LRRTM4: variants seen among roughly 807,000 people sequenced by gnomAD.
LRRTM4 encodes the protein leucine rich repeat transmembrane neuronal 4.
A neutral mutation model predicts 47.6 loss-of-function variants in LRRTM4; 25 were observed. The ratio of observed to expected loss-of-function variants is 0.53; its 90% CI spans 0.38 to 0.73. The LOEUF is 0.73. LRRTM4 is among the 30% of genes least tolerant of loss of function. The pLI, the probability that LRRTM4 is intolerant of heterozygous loss-of-function variation, is 0.00. For synonymous variants in LRRTM4, 311 were observed against 269.5 expected (o/e 1.15, Z -1.51); for missense variants, 638 against 713.4 (o/e 0.89, Z 1.20).
intron 3 of LRRTM4, among the ~76,000 whole-genome samples, chr2:77,259,359 G>C (rs1675856603): frequency 6.6e-6 from 1 of 152,000 alleles, no homozygotes; most frequent in South Asian, 2.1e-4. Context: ...CACACAATAT[G>C]CTGAGTGCTT....
intron 3 of LRRTM4, among the ~76,000 whole-genome samples, chr2:77,411,251 G>A (rs73942714): frequency 0.018 from 2,737 of 152,016 alleles, 74 homozygotes; most frequent in African/African-American, 0.063. Flanking sequence ...GTGTCCCTAA[G>A]CTCTGCTAAA....
intron 3 of LRRTM4, among the ~76,000 whole-genome samples, chr2:77,384,324 A>C (rs963289221): frequency 7.2e-5 from 11 of 152,010 alleles, no homozygotes; most frequent in South Asian, 2.1e-4. Context: ...TTTGAATTTC[A>C]GTATTGATAA....
At chr2:77,120,403 G>GA (rs1413923513) in intron 3 of LRRTM4, among the ~76,000 whole-genome samples, 1 of 151,902 alleles carries the variant, frequency 6.6e-6, no homozygotes, top group East Asian at 1.9e-4. Flanking sequence ...AAATTGAGAT[G>GA]AAGGGTGATA....
intron 3 of LRRTM4, among the ~76,000 whole-genome samples, chr2:77,372,680 C>G (rs1317470969): frequency 6.6e-6 from 1 of 151,712 alleles, no homozygotes; most frequent in South Asian, 2.1e-4. Context: ...CTCTATAAGA[C>G]ATACAAATGG....
chr2:76,873,632 T>G lies in LRRTM4; in HGVS notation c.1552-124716A>C, dbSNP rs1468920387. ...TTTATGCAGGTAATCAGATTAATAC[T>G]TTGCCCCATCTTTAAATTCTATGAT... On this transcript the variant is annotated intron_variant, in intron 3 of 3. Coordinates refer to ENST00000409884, the MANE Select transcript of LRRTM4 (RefSeq NM_001134745.3). Among the ~76,000 whole-genome samples, 14 of 151,000 alleles carry G rather than the reference T, an allele frequency of 9.3e-5. No individual in the cohort carries two copies. In the East Asian group the frequency reaches 2.3e-3, roughly 25 times the overall value.
intron 3 of LRRTM4, among the ~76,000 whole-genome samples, chr2:77,412,216 A>T (rs1674470178): frequency 6.6e-6 from 1 of 152,248 alleles, no homozygotes; most frequent in Non-Finnish European, 1.5e-5. Context: ...CACTAGACAT[A>T]GGTAAAAAAT....
At chr2:76,795,254 T>TTAA (rs1558658098) in intron 3 of LRRTM4, among the ~76,000 whole-genome samples, 2 of 152,124 alleles carry the variant, frequency 1.3e-5, no homozygotes, top group East Asian at 3.9e-4. Flanking sequence ...TAAAAATCAT[T>TTAA]TTTAATTGAC....
chr2:76,872,498 C>A (rs1287023295), intron 3 of LRRTM4, among the ~76,000 whole-genome samples: 1 of 151,824 alleles, frequency 6.6e-6, no homozygotes, highest in Non-Finnish European at 1.5e-5. Context: ...TGGCTTTGTC[C>A]TCATCACAAA....
chr2:77,462,453 G>A (rs548403085), intron 3 of LRRTM4, among the ~76,000 whole-genome samples: 2 of 152,056 alleles, frequency 1.3e-5, no homozygotes, highest in East Asian at 3.9e-4. Context: ...AAGATTACTT[G>A]GAGACCAGCA....
intron 3 of LRRTM4, among the ~76,000 whole-genome samples, chr2:77,090,386 T>C (rs12617933): frequency 0.22 from 33,354 of 151,892 alleles, 5,839 homozygotes; most frequent in East Asian, 0.48. Context: ...GGTCAAAAGG[T>C]CGTCTTATTC....
chr2:77,375,706 C>T (rs1239245370), intron 3 of LRRTM4, among the ~76,000 whole-genome samples: 1 of 151,664 alleles, frequency 6.6e-6, no homozygotes, highest in Non-Finnish European at 1.5e-5. Context: ...CTTCTCTGGC[C>T]TATAACATCC....
In LRRTM4 at chr2:77,298,902, T is replaced by C. The variant is rs190527020; in HGVS notation, c.1551+219416A>G. On this transcript the variant is annotated intron_variant, in intron 3 of 3. Coordinates refer to ENST00000409884, the MANE Select transcript of LRRTM4 (RefSeq NM_001134745.3). Reference sequence around the variant, plus strand: ...ATTTTTTCTTACTACTAACTGTAATTCTAACCTCCTAGTGACAAATATTTA... The same window carrying C: ...ATTTTTTCTTACTACTAACTGTAATCCTAACCTCCTAGTGACAAATATTTA... 3.2e-4 allele frequency among the ~76,000 whole-genome samples: 48 copies of C among 152,286 alleles called. 1 individual carries two copies. Among genetic ancestry groups the C allele is most frequent in the Non-Finnish European group, 5.6e-4 (38 of 68,012 alleles).
intron 3 of LRRTM4, among the ~76,000 whole-genome samples, chr2:77,375,602 T>C (rs1672807265): frequency 6.6e-6 from 1 of 151,756 alleles, no homozygotes; most frequent in South Asian, 2.1e-4. Context: ...TTTCCTTTTT[T>C]CCCCAGCCCC....
At chr2:76,985,487 C>T (rs1676763016) in intron 3 of LRRTM4, among the ~76,000 whole-genome samples, 1 of 151,964 alleles carries the variant, frequency 6.6e-6, no homozygotes, top group South Asian at 2.1e-4. Context: ...CCTTGAGTGA[C>T]AGTATGGCAA....
At chr2:76,920,146 A>C (rs371482657) in intron 3 of LRRTM4, among the ~76,000 whole-genome samples, 3 of 152,272 alleles carry the variant, frequency 2.0e-5, no homozygotes, top group East Asian at 3.9e-4. Flanking sequence ...AGGTGATAAA[A>C]ATCACTTCGA....
intron 3 of LRRTM4, among the ~76,000 whole-genome samples, chr2:77,430,736 A>G (rs982671362): frequency 2.7e-5 from 4 of 147,760 alleles, no homozygotes; most frequent in Non-Finnish European, 5.9e-5. Flanking sequence ...AAAAAAAAAG[A>G]AAAAAGAAAA....
chr2:76,985,451 A>C (rs1260770803), intron 3 of LRRTM4, among the ~76,000 whole-genome samples: 1 of 151,874 alleles, frequency 6.6e-6, no homozygotes, highest in Non-Finnish European at 1.5e-5. Flanking sequence ...GAGGAATAAG[A>C]AGCAATAGGA....
intron 3 of LRRTM4, among the ~76,000 whole-genome samples, chr2:77,235,185 A>G (rs1675070374): frequency 6.6e-6 from 1 of 152,058 alleles, no homozygotes; most frequent in Non-Finnish European, 1.5e-5. Context: ...TAGTGCCACA[A>G]TGAGCATGTG....
intron 3 of LRRTM4, among the ~76,000 whole-genome samples, chr2:76,757,515 A>T (rs1163971678): frequency 6.6e-6 from 1 of 152,136 alleles, no homozygotes; most frequent in Non-Finnish European, 1.5e-5. Flanking sequence ...CGCAGTATTC[A>T]GTGAGGTTTT....
Sources: gnomAD v4.1 joint callset for allele counts (sites outside exome capture counted in the v4.1 genomes callset) on GRCh38, gnomAD v4.1.1 for gene constraint, MANE v1.5 for transcripts, NCBI Gene and HGNC (gene_info 2026-07-23, HGNC 2026-07-21) for gene names.